PLEKHG4B: variants seen among roughly 807,000 people sequenced by gnomAD.
PLEKHG4B encodes pleckstrin homology domain-containing family G member 4B.
Under a neutral mutation model 121.3 loss-of-function variants are expected in PLEKHG4B, and 111 were observed. The observed-to-expected ratio is 0.92, with a 90% CI of 0.78 to 1.07. PLEKHG4B has a LOEUF of 1.07. PLEKHG4B is among the 50% of genes least tolerant of loss of function. The pLI is 0.00. For missense variants in PLEKHG4B, 1,831 were observed against 1,757.8 expected (o/e 1.04, Z -0.74); for synonymous variants, 738 against 725.0 (o/e 1.02, Z -0.29).
At position 140,553 on chromosome 5, in the gene PLEKHG4B, G is replaced by A; in HGVS notation, c.1314G>A (p.Arg438=). Residue 438 remains arginine, a synonymous_variant, in exon 3 of 20, where the codon CGG becomes CGA. Coordinates refer to ENST00000637938, the MANE Select transcript of PLEKHG4B (RefSeq NM_052909.5). ...GGCGGACTCTTCCCAGGAGATCTCGGTCCTGGGAAAGGGCACCCAGAAGCT... is the reference window on the plus strand; with the variant it reads ...GGCGGACTCTTCCCAGGAGATCTCGATCCTGGGAAAGGGCACCCAGAAGCT... ...AAGRTLPRRS[R]SWERAPRSSR... The A allele has an allele frequency of 1.2e-6, 2 of 1,605,718 alleles. No homozygotes were observed. The highest frequency in any genetic ancestry group is 1.7e-6 in the Non-Finnish European group (2 of 1,176,758).
intron 13 of PLEKHG4B, among the ~76,000 whole-genome samples, chr5:164,828 C>T (rs1485594981): frequency 1.8e-5 from 2 of 113,080 alleles, no homozygotes; most frequent in African/African-American, 7.2e-5. Context: ...TGTGACGGAG[C>T]GGAGCTCACA....
chr5:154,809 A>G (rs1004109710), intron 7 of PLEKHG4B, 66 bp from the exon 8 acceptor site: 6 of 1,246,484 alleles, frequency 4.8e-6, no homozygotes, highest in Non-Finnish European at 7.1e-6. Context: ...GGAATGAGCC[A>G]TTTACAGTGT....
Position 169,464 on chromosome 5 carries a change from C to T in PLEKHG4B, c.3601C>T (p.Arg1201Ter), listed in dbSNP as rs372549123. The T allele has an allele frequency of 5.5e-5, 89 of 1,614,070 alleles. No individual in the cohort carries two copies. The highest frequency in any genetic ancestry group is 6.8e-5 in the Non-Finnish European group (80 of 1,180,056). The change falls in exon 14 of 20, where the codon CGA becomes TGA. Residue 1201 changes from arginine (R) to a stop codon, truncating the protein, a stop_gained. Coordinates refer to ENST00000637938, the MANE Select transcript of PLEKHG4B (RefSeq NM_052909.5). LOFTEE classifies it high-confidence loss of function. ...MERMDLPQGLRGKHHVIFGNL... is the reference protein window; with the variant it reads ...MERMDLPQGL ...AAGAATGGACTTGCCCCAGGGCCTT[C>T]GAGGGAAGCACCACGTTATTTTCGG...
rs1733732638 is a variant in PLEKHG4B at position 189,632 on chromosome 5, C to T, written c.*7309C>T. 1 of 152,268 alleles carries T rather than the reference C, an allele frequency of 6.6e-6. No individual in the cohort carries two copies. Among genetic ancestry groups the T allele is most frequent in the Non-Finnish European group, 1.5e-5 (1 of 68,082 alleles). The allele number at this position is 152,268 out of a possible 1,614,324, so 9.4% of individuals were successfully genotyped here. ...GAGCTGGGCCTGAGTCTGACCCAACCTGTGCTGAGTGGTCCTGCTGGAATG... is the reference window on the plus strand; with the variant it reads ...GAGCTGGGCCTGAGTCTGACCCAACTTGTGCTGAGTGGTCCTGCTGGAATG... On this transcript the variant is annotated 3_prime_UTR_variant, in exon 20 of 20. Transcript: ENST00000637938.
intron 1 of PLEKHG4B, among the ~76,000 whole-genome samples, chr5:96,162 T>C (rs547011368): frequency 3.9e-5 from 6 of 152,338 alleles, no homozygotes; most frequent in African/African-American, 1.4e-4. Flanking sequence ...AGGTCAACTT[T>C]TGGTTTTCCC....
chr5:122,686 C>A (rs1165860025), intron 2 of PLEKHG4B, among the ~76,000 whole-genome samples: 1 of 152,104 alleles, frequency 6.6e-6, no homozygotes, highest in African/African-American at 2.4e-5. Context: ...TCCCAAAGTG[C>A]TGGGATTACA....
chr5:150,501 G>C (rs1361694600), intron 6 of PLEKHG4B, among the ~76,000 whole-genome samples: 2 of 152,080 alleles, frequency 1.3e-5, no homozygotes, highest in African/African-American at 4.8e-5. Flanking sequence ...GATGATGATA[G>C]TGTTTCACCA....
In PLEKHG4B at chr5:187,320, AGGTGTC is replaced by A. The variant is rs1733657562; in HGVS notation, c.*4999_*5004del. ...TTCCAGAGAGACCTCTTCTTTTGCC[AGGTGTC>A]GTGAGGGCTGTGGCTTAGCTGGGCC... On this transcript the variant is annotated 3_prime_UTR_variant, in exon 20 of 20. Coordinates refer to ENST00000637938, the MANE Select transcript of PLEKHG4B (RefSeq NM_052909.5). The A allele has an allele frequency of 6.6e-6, 1 of 152,268 alleles. No individual in the cohort carries two copies. Among genetic ancestry groups the A allele is most frequent in the African/African-American group, 2.4e-5 (1 of 41,430 alleles). The allele number at this position is 152,268 out of a possible 1,614,324, so 9.4% of individuals were successfully genotyped here.
chr5:147,139 C>A (rs145311340), intron 6 of PLEKHG4B, among the ~76,000 whole-genome samples: 1 of 152,176 alleles, frequency 6.6e-6, no homozygotes, highest in African/African-American at 2.4e-5. Flanking sequence ...GAAGGAGTCA[C>A]TGGGAGGAGA....
chr5:163,462 G>A lies in PLEKHG4B; in HGVS notation c.3390G>A (p.Arg1130=). ...EKKLPLWQHA[R]SPPVTQSRSL... ...AGCTCCCGCTGTGGCAGCATGCCAG[G>A]AGCCCCCCGGTCACTCAGAGCCGGA... The change falls in exon 13 of 20, where the codon AGG becomes AGA. Residue 1130 remains arginine, a synonymous_variant. Coordinates refer to ENST00000637938, the MANE Select transcript of PLEKHG4B (RefSeq NM_052909.5). The A allele has an allele frequency of 6.2e-7, 1 of 1,612,870 alleles. No homozygotes were observed. Among genetic ancestry groups the A allele is most frequent in the Non-Finnish European group, 8.5e-7 (1 of 1,180,016 alleles).
At chr5:99,170 G>GTGTATATA (rs1303364136) in intron 1 of PLEKHG4B, among the ~76,000 whole-genome samples, 4 of 100,498 alleles carry the variant, frequency 4.0e-5, no homozygotes, top group African/African-American at 1.6e-4. Context: ...AAAAAAAAGT[G>GTGTATATA]TATATATATA....
intron 13 of PLEKHG4B, 84 bp downstream of exon 13, chr5:163,632 C>A: frequency 8.6e-7 from 1 of 1,166,444 alleles, no homozygotes; most frequent in Non-Finnish European, 1.2e-6. Flanking sequence ...AAACTCTCTT[C>A]TGCAAAGTAG....
At chr5:148,933 A>AT (rs1735515727) in intron 6 of PLEKHG4B, among the ~76,000 whole-genome samples, 1 of 152,240 alleles carries the variant, frequency 6.6e-6, no homozygotes, top group Non-Finnish European at 1.5e-5. Context: ...TACATAAATG[A>AT]TTTTTGAAAA....
intron 2 of PLEKHG4B, among the ~76,000 whole-genome samples, chr5:134,060 T>TATATATAGATAGA (rs1734862745): frequency 8.2e-6 from 1 of 121,460 alleles, no homozygotes; most frequent in African/African-American, 3.1e-5. Context: ...TATGATAGAA[T>TATATATAGATAGA]ATATATATAT....
In PLEKHG4B at chr5:181,615, C is replaced by G. The variant is rs12519352; in HGVS notation, c.4504C>G (p.Arg1502Gly). The G allele has an allele frequency of 0.51, 828,821 of 1,613,540 alleles. 222,192 individuals carry two copies. Among genetic ancestry groups the G allele is most frequent in the Non-Finnish European group, 0.56 (655,934 of 1,179,626 alleles). ...CCCTGACTGTGCAGTGATAAGCGAC[C>G]GGGCTCCCAAATGTGCAGTGATGAG... Reference protein sequence around the residue: ...RTPDCAVISDRAPKCAVMSDR... With the variant: ...RTPDCAVISDGAPKCAVMSDR... Residue 1502 changes from arginine (R) to glycine (G), a missense_variant, in exon 19 of 20, where the codon CGG becomes GGG. Arg to Gly is a moderately radical substitution (Grantham distance 125). Transcript: ENST00000637938.
chr5:162,386 G>A (rs1407332620), intron 12 of PLEKHG4B, among the ~76,000 whole-genome samples: 1 of 152,236 alleles, frequency 6.6e-6, no homozygotes, highest in Non-Finnish European at 1.5e-5. Flanking sequence ...AGGGGTCATG[G>A]GGTGGCCAGA....
chr5:119,940 C>A (rs1734419335), intron 2 of PLEKHG4B, among the ~76,000 whole-genome samples: 1 of 152,178 alleles, frequency 6.6e-6, no homozygotes, highest in Admixed American at 6.5e-5. Context: ...AAAAAGAAAT[C>A]TCAGAATCTC....
chr5:143,585 G>C, intron 5 of PLEKHG4B, 82 bp downstream of exon 5: 1 of 1,543,092 alleles, frequency 6.5e-7, no homozygotes, highest in Non-Finnish European at 8.8e-7. Context: ...GGCACGGGGA[G>C]GTGCCAGCTT....
chr5:135,187 C>CAAAAAAAAAAAAAAAAAA (rs35601775), intron 2 of PLEKHG4B, among the ~76,000 whole-genome samples: 10 of 48,778 alleles, frequency 2.1e-4, no homozygotes, highest in African/African-American at 5.0e-4. Flanking sequence ...GACTCCAGCT[C>CAAAAAAAAAAAAAAAAAA]AAAAAAAAAA....
Sources: allele counts gnomAD v4.1 joint callset (sites outside exome capture counted in the v4.1 genomes callset), GRCh38; gene constraint gnomAD v4.1.1; transcripts MANE v1.5; gene names NCBI Gene and HGNC (gene_info 2026-07-23, HGNC 2026-07-21).